Variants in DCTN6 observed in about 807,000 individuals in gnomAD.
The protein encoded by DCTN6 is dynactin subunit 6, also known as dynactin 6.
In DCTN6, 15 loss-of-function variants were observed where a neutral mutation model predicts 25.8. The observed-to-expected ratio is 0.58, with a 90% CI of 0.39 to 0.89. The LOEUF is 0.89. Ranked by LOEUF, DCTN6 falls within the 40% of genes least tolerant of loss-of-function variation. The probability of loss-of-function intolerance (pLI) is 0.00; values close to 1 mark genes in which losing one functional copy is unlikely to be tolerated. For missense variants in DCTN6, 198 were observed against 237.6 expected (o/e 0.83, Z 1.09); for synonymous variants, 64 against 78.3 (o/e 0.82, Z 0.96).
Position 30,183,264 on chromosome 8 carries a change from G to A in DCTN6, c.*91G>A. On this transcript the variant is annotated 3_prime_UTR_variant, in exon 7 of 7. Transcript: ENST00000221114. ...GTTTATGTACTCTTAACAACTCACA[G>A]AATAATACATGTTCACTTTATTTTG... 1.0e-6 allele frequency: 1 copy of A among 971,206 alleles called. No homozygotes were observed. Among genetic ancestry groups the A allele is most frequent in the Non-Finnish European group, 1.5e-6 (1 of 647,890 alleles). The allele number at this position is 971,206 out of a possible 1,614,324, so 60.2% of individuals were successfully genotyped here. A position where few individuals can be genotyped will look rare whatever the true frequency, so the allele number is the denominator to read the frequency against.
At position 30,175,201 on chromosome 8, in the gene DCTN6, T is replaced by C. The variant is rs1803814984; in HGVS notation, c.194+11T>C. 1 of 1,609,250 alleles carries C rather than the reference T, an allele frequency of 6.2e-7. No homozygotes were observed. The highest frequency in any genetic ancestry group is 8.5e-7 in the Non-Finnish European group (1 of 1,176,104). ...CCTTATCATAAATGCGTAAGACTCT[T>C]ATACATACTGTGAACCAAGTACCAT... On this transcript the variant is annotated intron_variant, in intron 3 of 6. Coordinates refer to ENST00000221114, the MANE Select transcript of DCTN6 (RefSeq NM_006571.4).
intron 2 of DCTN6, among the ~76,000 whole-genome samples, chr8:30,167,212 G>T (rs953306518): frequency 6.6e-6 from 1 of 152,052 alleles, no homozygotes; most frequent in African/African-American, 2.4e-5. Context: ...CATGCCTGTA[G>T]TCCCAGCTAC....
At chr8:30,178,989 A>C (rs1251499734) in intron 4 of DCTN6, among the ~76,000 whole-genome samples, 1 of 152,204 alleles carries the variant, frequency 6.6e-6, no homozygotes, top group Non-Finnish European at 1.5e-5. Flanking sequence ...TAATGCTTGC[A>C]AATTTAAGTG....
chr8:30,176,900 G>A (rs555574954), intron 3 of DCTN6: 17 of 374,304 alleles, frequency 4.5e-5, no homozygotes, highest in Non-Finnish European at 6.4e-5. Flanking sequence ...TCTTGAACCC[G>A]GGAGACGGAG....
intron 2 of DCTN6, among the ~76,000 whole-genome samples, chr8:30,164,907 C>T (rs948415409): frequency 3.3e-5 from 5 of 152,272 alleles, no homozygotes; most frequent in East Asian, 1.9e-4. Flanking sequence ...AAGTTCCACA[C>T]GACCCTCCTC....
intron 6 of DCTN6, among the ~76,000 whole-genome samples, chr8:30,182,533 T>C (rs1440179262): frequency 6.6e-6 from 1 of 151,960 alleles, no homozygotes. Flanking sequence ...TTTCTGTATA[T>C]TTTTATATAA....
intron 2 of DCTN6, among the ~76,000 whole-genome samples, chr8:30,173,568 C>T (rs1266891699): frequency 1.3e-5 from 2 of 151,668 alleles, no homozygotes; most frequent in Non-Finnish European, 2.9e-5. Flanking sequence ...TAGTGAGACC[C>T]CATCTCTAAA....
At chr8:30,177,468 A>T in intron 4 of DCTN6, 1 of 242,044 alleles carries the variant, frequency 4.1e-6, no homozygotes, top group Non-Finnish European at 8.0e-6. Context: ...GCACTGTGGG[A>T]GGCCGAAGCT....
intron 2 of DCTN6, among the ~76,000 whole-genome samples, chr8:30,171,237 C>T (rs1249295689): frequency 3.3e-5 from 5 of 151,244 alleles, no homozygotes; most frequent in Non-Finnish European, 7.4e-5. Flanking sequence ...ATATGACGAT[C>T]ACTTCCTCCT....
chr8:30,161,673 G>A (rs1028556952), intron 1 of DCTN6, among the ~76,000 whole-genome samples: 2 of 151,660 alleles, frequency 1.3e-5, no homozygotes, highest in Admixed American at 6.6e-5. Flanking sequence ...TTTTTACTTT[G>A]TTACTTACCA....
At chr8:30,176,373 C>CA (rs35907360) in intron 3 of DCTN6, among the ~76,000 whole-genome samples, 1 of 151,132 alleles carries the variant, frequency 6.6e-6, no homozygotes. Flanking sequence ...ACTGAAAATA[C>CA]AAAAAAAAAT....
chr8:30,180,130 A>G (rs926088841), intron 5 of DCTN6, among the ~76,000 whole-genome samples: 3 of 152,138 alleles, frequency 2.0e-5, no homozygotes, highest in African/African-American at 4.8e-5. Flanking sequence ...TTTTCTATTT[A>G]TTTTATGCTT....
intron 1 of DCTN6, among the ~76,000 whole-genome samples, chr8:30,157,674 G>A (rs1803543922): frequency 6.6e-6 from 1 of 152,170 alleles, no homozygotes; most frequent in South Asian, 2.1e-4. Flanking sequence ...CTTCTTCTCC[G>A]GTAGTCTTCA....
At chr8:30,159,300 G>T (rs951682642) in intron 1 of DCTN6, among the ~76,000 whole-genome samples, 1 of 151,814 alleles carries the variant, frequency 6.6e-6, no homozygotes, top group Admixed American at 6.6e-5. Flanking sequence ...ATTCATGGCG[G>T]TGTGAAGGTT....
chr8:30,167,851 AC>A (rs1279889287), intron 2 of DCTN6, among the ~76,000 whole-genome samples: 2 of 152,100 alleles, frequency 1.3e-5, no homozygotes, highest in Non-Finnish European at 2.9e-5. Context: ...GGCATGTGCC[AC>A]CACACTTGGC....
Position 30,180,566 on chromosome 8 carries a change from T to C in DCTN6, c.410T>C (p.Ile137Thr). Residue 137 changes from isoleucine (I) to threonine (T), a missense_variant, in exon 6 of 7, where the codon ATC (isoleucine) becomes ACC (threonine). Ile to Thr is a moderately conservative substitution (Grantham distance 89, BLOSUM62 -1). Coordinates refer to ENST00000221114, the MANE Select transcript of DCTN6 (RefSeq NM_006571.4). ...ACCNLNTFEVIPENTVIYGAD... is the reference protein window; with the variant it reads ...ACCNLNTFEVTPENTVIYGAD... ...TGCAACCTAAATACATTTGAAGTCA[T>C]CCCTGAGAATACGGTGATCTATGGT... 4 of 1,614,074 alleles carry C rather than the reference T, an allele frequency of 2.5e-6. No homozygotes were observed. The highest frequency in any genetic ancestry group is 3.4e-6 in the Non-Finnish European group (4 of 1,180,014).
chr8:30,175,012 C>T, intron 2 of DCTN6, 73 bp from the exon 3 acceptor site: 1 of 1,433,440 alleles, frequency 7.0e-7, no homozygotes, highest in East Asian at 2.4e-5. Flanking sequence ...CTCACCCATC[C>T]TCAGTCACCT....
intron 2 of DCTN6, among the ~76,000 whole-genome samples, chr8:30,167,486 C>T (rs1803696985): frequency 6.6e-6 from 1 of 152,098 alleles, no homozygotes; most frequent in South Asian, 2.1e-4. Context: ...GCTAGGTCTA[C>T]AGTGACGCAC....
chr8:30,164,891 T>C (rs1803645123), intron 2 of DCTN6, among the ~76,000 whole-genome samples: 1 of 152,198 alleles, frequency 6.6e-6, no homozygotes, highest in African/African-American at 2.4e-5. Context: ...TAAACAGCCT[T>C]CCTGAAAGTT....
Sources: allele counts gnomAD v4.1 joint callset (sites outside exome capture counted in the v4.1 genomes callset), GRCh38; gene constraint gnomAD v4.1.1; transcripts MANE v1.5; gene names NCBI Gene and HGNC (gene_info 2026-07-23, HGNC 2026-07-21).